CLCN4: variants seen among roughly 807,000 people sequenced by gnomAD.
CLCN4 encodes the protein H(+)/Cl(-) exchange transporter 4.
Under a neutral mutation model 41.7 loss-of-function variants are expected in CLCN4, and 1 was observed. The ratio of observed to expected loss-of-function variants is 0.02; its 90% CI spans 0.01 to 0.11. The LOEUF (loss-of-function observed/expected upper bound fraction) is 0.11. Ranked by LOEUF, CLCN4 falls within the 10% of genes least tolerant of loss-of-function variation. The pLI is 1.00. For missense variants in CLCN4, 287 were observed against 661.0 expected (o/e 0.43, Z 6.20); for synonymous variants, 277 against 285.8 (o/e 0.97, Z 0.31).
At chrX:10,165,979 C>T (rs552047765) in intron 2 of CLCN4, among the ~76,000 whole-genome samples, 4 of 112,118 alleles carry the variant, frequency 3.6e-5, no homozygotes, top group South Asian at 3.7e-4. Context: ...TTGCCAGTCA[C>T]GAGTGGCTCC....
intron 2 of CLCN4, among the ~76,000 whole-genome samples, chrX:10,183,265 T>C (rs1923730528): frequency 8.9e-6 from 1 of 111,868 alleles, no homozygotes; most frequent in Admixed American, 9.5e-5. Context: ...ACCTCAAACT[T>C]TTAAAGTTTT....
chrX:10,207,487 A>C (rs1363156636), intron 8 of CLCN4, among the ~76,000 whole-genome samples: 1 of 112,599 alleles, frequency 8.9e-6, no homozygotes, highest in Admixed American at 9.4e-5. Flanking sequence ...CAATACGTAC[A>C]CAAATGGGCA....
chrX:10,160,736 G>C (rs947277775), intron 2 of CLCN4, among the ~76,000 whole-genome samples: 1 of 111,713 alleles, frequency 9.0e-6, no homozygotes, highest in Non-Finnish European at 1.9e-5. Flanking sequence ...ACGGACACTC[G>C]CTTGGGCAGA....
rs1348422300 is a variant in CLCN4 at position 10,236,250 on chromosome X, C to G, written c.*2666C>G. 9.0e-6 allele frequency: 1 copy of G among 111,648 alleles called. No homozygotes were observed. The highest frequency in any genetic ancestry group is 3.3e-5 in the African/African-American group (1 of 30,707). The allele number at this position is 111,648 out of a possible 1,213,427, so 9.2% of individuals were successfully genotyped here. On this transcript the variant is annotated 3_prime_UTR_variant, in exon 13 of 13. Transcript: ENST00000380833. ...AATTATGCTTCCGGGCCAAGGTCAC[C>G]GAGGGGGACCTTGGGATTTGTGTCC...
chrX:10,230,495 C>T (rs1925101518), intron 12 of CLCN4, among the ~76,000 whole-genome samples: 1 of 111,978 alleles, frequency 8.9e-6, no homozygotes, highest in South Asian at 3.7e-4. Flanking sequence ...GCAGCTAAAA[C>T]AAATCAGGAT....
intron 6 of CLCN4, among the ~76,000 whole-genome samples, chrX:10,201,911 T>C (rs1924246275): frequency 9.1e-6 from 1 of 110,487 alleles, no homozygotes; most frequent in African/African-American, 3.3e-5. Flanking sequence ...AGTTCGAGGC[T>C]GCAGTAAGCT....
At chrX:10,171,590 G>A (rs752373821) in intron 2 of CLCN4, among the ~76,000 whole-genome samples, 2 of 111,920 alleles carry the variant, frequency 1.8e-5, no homozygotes, top group South Asian at 3.7e-4. Flanking sequence ...AATGGTGCTC[G>A]CTGTGTCATG....
chrX:10,230,266 A>G (rs977133732), intron 12 of CLCN4, among the ~76,000 whole-genome samples: 2 of 111,421 alleles, frequency 1.8e-5, no homozygotes, highest in African/African-American at 6.5e-5. Flanking sequence ...TCTGGCTCTG[A>G]CATGCCTCAA....
intron 3 of CLCN4, among the ~76,000 whole-genome samples, 165 bp from the exon 4 acceptor site, chrX:10,187,350 C>T (rs1168016514): frequency 8.9e-6 from 1 of 111,872 alleles, no homozygotes; most frequent in Non-Finnish European, 1.9e-5. Flanking sequence ...CTCGTCGTAC[C>T]GTTGCGGCAC....
intron 2 of CLCN4, among the ~76,000 whole-genome samples, chrX:10,164,221 G>A (rs1569222199): frequency 8.9e-6 from 1 of 112,233 alleles, no homozygotes; most frequent in Non-Finnish European, 1.9e-5. Context: ...GAGCACGGTG[G>A]GCTGAGTGCT....
intron 4 of CLCN4, among the ~76,000 whole-genome samples, chrX:10,192,244 T>TACACACACAC (rs56033729): frequency 0.018 from 1,832 of 100,460 alleles, 52 homozygotes; most frequent in African/African-American, 0.063. Flanking sequence ...CTAGTGGAAG[T>TACACACACAC]ACACACACAC....
At chrX:10,218,327 A>G (rs1924780595) in intron 11 of CLCN4, among the ~76,000 whole-genome samples, 1 of 111,810 alleles carries the variant, frequency 8.9e-6, no homozygotes, top group Non-Finnish European at 1.9e-5. Context: ...TAGGTCTTTT[A>G]AAAAGATGCA....
intron 6 of CLCN4, 41 bp from the exon 7 acceptor site, chrX:10,206,316 TG>T: frequency 9.8e-7 from 1 of 1,018,375 alleles, no homozygotes; most frequent in Non-Finnish European, 1.4e-6. Context: ...AGCCATGGAT[TG>T]AAGGAGTTCA....
chrX:10,221,539 A>G (rs972524945), intron 12 of CLCN4, among the ~76,000 whole-genome samples: 1 of 111,506 alleles, frequency 9.0e-6, no homozygotes, highest in African/African-American at 3.3e-5. Flanking sequence ...AGTCCCAGCT[A>G]CTTGGGAGGC....
chrX:10,159,597 T>C (rs746878251), intron 2 of CLCN4, among the ~76,000 whole-genome samples: 1 of 111,428 alleles, frequency 9.0e-6, no homozygotes, highest in African/African-American at 3.3e-5. Context: ...GGAACTCACA[T>C]CATGAATAAT....
chrX:10,216,897 G>GTGTGTATATATATATA (rs1411470927), intron 11 of CLCN4, among the ~76,000 whole-genome samples: 1 of 20,829 alleles, frequency 4.8e-5, no homozygotes, highest in Admixed American at 5.8e-4. Flanking sequence ...GTGTGTGTGT[G>GTGTGTATATATATATA]TATATATATA....
intron 12 of CLCN4, among the ~76,000 whole-genome samples, chrX:10,232,364 TTAAA>T (rs770283289): frequency 8.0e-5 from 9 of 112,654 alleles, no homozygotes; most frequent in East Asian, 2.8e-4. Context: ...TTTGCCTTAA[TTAAA>T]TAAATGACAG....
In CLCN4 at chrX:10,212,454, G is replaced by T. The variant is rs1056504664; in HGVS notation, c.1390-13G>T. 1.7e-6 allele frequency: 2 copies of T among 1,206,803 alleles called. No individual in the cohort carries two copies. Among genetic ancestry groups the T allele is most frequent in the South Asian group, 3.5e-5 (2 of 56,648 alleles). On this transcript the variant is annotated splice_polypyrimidine_tract_variant and intron_variant, in intron 9 of 12. Coordinates refer to ENST00000380833, the MANE Select transcript of CLCN4 (RefSeq NM_001830.4). ...TTTTTCCCTCATGTTGCTTTTCTCT[G>T]TGTCTCCTCAAGATCCCGTCGGGCC...
chrX:10,172,858 A>C (rs951329854), intron 2 of CLCN4, among the ~76,000 whole-genome samples: 2 of 112,175 alleles, frequency 1.8e-5, no homozygotes, highest in African/African-American at 6.5e-5. Context: ...CTTCCACACA[A>C]GTAAATTAAG....
Sources: allele counts gnomAD v4.1 joint callset (sites outside exome capture counted in the v4.1 genomes callset), GRCh38; gene constraint gnomAD v4.1.1; transcripts MANE v1.5; gene names NCBI Gene and HGNC (gene_info 2026-07-23, HGNC 2026-07-21).